Variants in RBFOX1 observed in about 807,000 individuals in gnomAD.
RBFOX1 encodes the protein RNA binding protein fox-1 homolog 1.
RBFOX1 carries 8 observed loss-of-function variants against 57.7 expected under a neutral mutation model. That is an observed-to-expected ratio of 0.14 (90% CI 0.08 to 0.25). RBFOX1 has a LOEUF of 0.25. Among genes scored for constraint, RBFOX1 ranks in the 10% least tolerant of loss-of-function variants. The probability of loss-of-function intolerance (pLI) is 1.00; values close to 1 mark genes in which losing one functional copy is unlikely to be tolerated. For missense variants in RBFOX1, 611 were observed against 548.5 expected, an observed-to-expected ratio of 1.11 and a Z score of -1.14; for synonymous variants, 326 against 222.4, an observed-to-expected ratio of 1.47 and a Z score of -4.15.
At chr16:7,350,292 G>A (rs1331620951) in intron 4 of RBFOX1, among the ~76,000 whole-genome samples, 1 of 152,118 alleles carries the variant, frequency 6.6e-6, no homozygotes, top group South Asian at 2.1e-4. Context: ...TCTAAGGGGA[G>A]GAAAAAAGCA....
intron 2 of RBFOX1, among the ~76,000 whole-genome samples, chr16:5,521,838 T>C (rs552687775): frequency 5.1e-4 from 78 of 152,364 alleles, no homozygotes; most frequent in African/African-American, 1.8e-3. Context: ...CACATGTTAT[T>C]CCTCTTCATA....
intron 4 of RBFOX1, among the ~76,000 whole-genome samples, chr16:7,507,101 T>A (rs2151963762): frequency 6.6e-6 from 1 of 152,322 alleles, no homozygotes; most frequent in Non-Finnish European, 1.5e-5. Flanking sequence ...GACTTGCCAA[T>A]AGTTTCACCA....
chr16:6,394,572 A>C (rs2092742420), intron 2 of RBFOX1, among the ~76,000 whole-genome samples: 1 of 152,022 alleles, frequency 6.6e-6, no homozygotes, highest in African/African-American at 2.4e-5. Context: ...ATAAGAGGAG[A>C]ATATATGCAG....
chr16:5,872,879 G>A (rs2057511493), intron 4 of RBFOX1, among the ~76,000 whole-genome samples: 1 of 152,198 alleles, frequency 6.6e-6, no homozygotes, highest in Admixed American at 6.5e-5. Context: ...TAATTAGGGT[G>A]TGGTGGCTCA....
At chr16:7,619,766 A>T (rs1359581364) in intron 10 of RBFOX1, among the ~76,000 whole-genome samples, 1 of 150,608 alleles carries the variant, frequency 6.6e-6, no homozygotes, top group Non-Finnish European at 1.5e-5. Context: ...ACAGTTTCTA[A>T]TTTTTTTTTT....
chr16:7,368,388 A>G (rs2097503092), intron 4 of RBFOX1, among the ~76,000 whole-genome samples: 1 of 152,052 alleles, frequency 6.6e-6, no homozygotes, highest in South Asian at 2.1e-4. Flanking sequence ...TTGAAAGTTT[A>G]CGTATTACCA....
At chr16:7,415,526 A>C (rs2098469881) in intron 4 of RBFOX1, among the ~76,000 whole-genome samples, 2 of 152,220 alleles carry the variant, frequency 1.3e-5, no homozygotes, top group Admixed American at 1.3e-4. Context: ...CCTGGCATCC[A>C]AACTGGGTTT....
At chr16:6,958,764 G>A (rs1325069155) in intron 3 of RBFOX1, among the ~76,000 whole-genome samples, 1 of 152,054 alleles carries the variant, frequency 6.6e-6, no homozygotes, top group Non-Finnish European at 1.5e-5. Context: ...AAAAATTTAT[G>A]GGCAGAAACA....
intron 3 of RBFOX1, among the ~76,000 whole-genome samples, chr16:6,678,448 T>C (rs1194110543): frequency 6.6e-6 from 1 of 151,816 alleles, no homozygotes; most frequent in Non-Finnish European, 1.5e-5. Context: ...ATATATAATA[T>C]GTTTAGGTGT....
At chr16:7,199,284 C>G (rs1049720283) in intron 4 of RBFOX1, among the ~76,000 whole-genome samples, 4 of 152,020 alleles carry the variant, frequency 2.6e-5, no homozygotes, top group African/African-American at 9.7e-5. Flanking sequence ...ACCAAAGTGC[C>G]CTTTTATGTT....
intron 1 of RBFOX1, chr16:5,289,335 C>A: frequency 2.5e-6 from 1 of 396,954 alleles, no homozygotes; most frequent in Non-Finnish European, 4.8e-6. Context: ...GTTCCACTGG[C>A]ATCACCCCAG....
chr16:6,350,209 G>T (rs1306393059), intron 2 of RBFOX1, among the ~76,000 whole-genome samples: 1 of 151,824 alleles, frequency 6.6e-6, no homozygotes, highest in Non-Finnish European at 1.5e-5. Context: ...GGCTAAGGCG[G>T]GCAGATTGCC....
intron 4 of RBFOX1, among the ~76,000 whole-genome samples, chr16:7,314,245 C>T (rs577518881): frequency 9.9e-5 from 15 of 152,222 alleles, no homozygotes; most frequent in African/African-American, 3.4e-4. Context: ...ACAGAGGAAA[C>T]GCAGTCACTG....
At chr16:6,814,243 ATTG>A (rs1026152445) in intron 3 of RBFOX1, among the ~76,000 whole-genome samples, 10 of 121,764 alleles carry the variant, frequency 8.2e-5, no homozygotes, top group African/African-American at 2.7e-4. Context: ...CAGAGAGAAA[ATTG>A]TGGTGGGGGG....
chr16:5,550,033 C>T (rs749215183), intron 2 of RBFOX1, among the ~76,000 whole-genome samples: 4 of 152,184 alleles, frequency 2.6e-5, no homozygotes, highest in Non-Finnish European at 5.9e-5. Context: ...CTTTGTTTAC[C>T]TACTGTTTCT....
chr16:5,911,738 C>T (rs548753811), intron 4 of RBFOX1, among the ~76,000 whole-genome samples: 3 of 152,224 alleles, frequency 2.0e-5, no homozygotes, highest in South Asian at 4.2e-4. Flanking sequence ...GGTGAGAGTC[C>T]ACATTCTGGT....
At chr16:7,164,846 G>A (rs1382508834) in intron 4 of RBFOX1, among the ~76,000 whole-genome samples, 1 of 152,096 alleles carries the variant, frequency 6.6e-6, no homozygotes, top group African/African-American at 2.4e-5. Flanking sequence ...TGTAGACATT[G>A]TCAGGTAACT....
At chr16:7,139,335 A>G (rs1040934633) in intron 4 of RBFOX1, among the ~76,000 whole-genome samples, 6 of 152,278 alleles carry the variant, frequency 3.9e-5, no homozygotes, top group Admixed American at 6.5e-5. Context: ...TTGGAAAAGC[A>G]AAAGCTTCTT....
At chr16:6,010,509 G>A (rs746263868) in intron 4 of RBFOX1, among the ~76,000 whole-genome samples, 2 of 152,142 alleles carry the variant, frequency 1.3e-5, no homozygotes, top group Non-Finnish European at 2.9e-5. Context: ...CTGGCCATTG[G>A]GCCATTGTTT....
Sources: allele counts gnomAD v4.1 joint callset (sites outside exome capture counted in the v4.1 genomes callset), GRCh38; gene constraint gnomAD v4.1.1; transcripts MANE v1.5; gene names NCBI Gene and HGNC (gene_info 2026-07-23, HGNC 2026-07-21).